Variants in COBLL1 observed in about 807,000 individuals in gnomAD.
The protein encoded by COBLL1 is cordon-bleu protein-like 1.
In COBLL1, 50 loss-of-function variants were observed where a neutral mutation model predicts 94.8. The observed-to-expected ratio is 0.53, with a 90% CI of 0.42 to 0.67. COBLL1 has a LOEUF of 0.67. Among genes scored for constraint, COBLL1 ranks in the 30% least tolerant of loss-of-function variants. COBLL1 has a pLI of 0.00. For missense variants in COBLL1, 1,362 were observed against 1,348.7 expected (o/e 1.01, Z -0.15); for synonymous variants, 448 against 473.8 (o/e 0.95, Z 0.71).
chr2:164,805,325 C>A (rs867101514), intron 2 of COBLL1, among the ~76,000 whole-genome samples: 2,951 of 30,824 alleles, frequency 0.096, 396 homozygotes, highest in African/African-American at 0.21. Flanking sequence ...CTCTCTCTCT[C>A]TCTCTCTCTC....
chr2:164,744,547 T>C (rs1686767031), intron 2 of COBLL1, among the ~76,000 whole-genome samples: 2 of 152,158 alleles, frequency 1.3e-5, no homozygotes, highest in Admixed American at 6.5e-5. Context: ...GCTAGCCAGA[T>C]GTGGTGGCAC....
Position 164,694,354 on chromosome 2 carries a change from A to T in COBLL1, c.3038T>A (p.Val1013Asp). The T allele has an allele frequency of 6.2e-7, 1 of 1,613,982 alleles. No homozygotes were observed. Among genetic ancestry groups the T allele is most frequent in the Non-Finnish European group, 8.5e-7 (1 of 1,179,924 alleles). ...TTCCTCTGTGTTGGCTGGAGGTTGG[A>T]CCAATGCACTGGCACTAGGTGACTC... Reference protein sequence around the residue: ...RTESPSASALVQPPANTEEGK... With the variant: ...RTESPSASALDQPPANTEEGK... Residue 1013 changes from valine (V) to aspartate (D), a missense_variant, in exon 12 of 14, where the codon GTC becomes GAC. Coordinates refer to ENST00000652658, the MANE Select transcript of COBLL1 (RefSeq NM_001365672.2).
intron 2 of COBLL1, among the ~76,000 whole-genome samples, chr2:164,806,488 T>C (rs1684162819): frequency 6.6e-6 from 1 of 152,192 alleles, no homozygotes; most frequent in African/African-American, 2.4e-5. Context: ...AGTAGAAATG[T>C]ACTCACTATG....
chr2:164,818,640 AT>A (rs1684991641), intron 2 of COBLL1, among the ~76,000 whole-genome samples: 1 of 141,652 alleles, frequency 7.1e-6, no homozygotes, highest in Non-Finnish European at 1.6e-5. Context: ...GTATATGTAC[AT>A]ATGTAAACAT....
chr2:164,743,565 A>G, intron 3 of COBLL1, 122 bp downstream of exon 3: 1 of 797,078 alleles, frequency 1.3e-6, no homozygotes, highest in Non-Finnish European at 2.1e-6. Context: ...TTTAACAGGT[A>G]ACTAAACTGA....
chr2:164,696,653 G>A (rs1239392372), intron 11 of COBLL1: 2 of 152,096 alleles, frequency 1.3e-5, no homozygotes, highest in East Asian at 3.9e-4. Flanking sequence ...CAGACCTCCT[G>A]AAAACAAAAC....
intron 2 of COBLL1, among the ~76,000 whole-genome samples, chr2:164,759,752 G>A (rs1687591706): frequency 6.6e-6 from 1 of 152,192 alleles, no homozygotes; most frequent in South Asian, 2.1e-4. Flanking sequence ...GGAAAAAGGT[G>A]TAAACTCGTT....
intron 2 of COBLL1, among the ~76,000 whole-genome samples, chr2:164,768,219 A>G (rs1688031734): frequency 6.6e-6 from 1 of 152,162 alleles, no homozygotes; most frequent in Non-Finnish European, 1.5e-5. Flanking sequence ...TTATTACACA[A>G]TTTGTAAGAA....
At chr2:164,824,830 CAA>C (rs1007138177) in intron 2 of COBLL1, among the ~76,000 whole-genome samples, 1 of 151,602 alleles carries the variant, frequency 6.6e-6, no homozygotes, top group African/African-American at 2.4e-5. Context: ...ATTAAAAATA[CAA>C]AAAAAAGTGT....
intron 2 of COBLL1, among the ~76,000 whole-genome samples, chr2:164,836,572 GCT>G (rs1683330736): frequency 1.3e-5 from 2 of 152,086 alleles, no homozygotes; most frequent in Non-Finnish European, 2.9e-5. Flanking sequence ...TGTTAATTAA[GCT>G]CTCTGATCCT....
At chr2:164,778,547 A>G (rs355892) in intron 2 of COBLL1, among the ~76,000 whole-genome samples, 37,314 of 152,060 alleles carry the variant, frequency 0.25, 5,560 homozygotes, top group African/African-American at 0.41. Context: ...AGGTTGCAGT[A>G]AGCTGAGATC....
rs71393632 is a variant in COBLL1 at position 164,683,005 on chromosome 2, T to TACACACACACACAC, written c.*2927_*2940dup. 3.6e-5 allele frequency: 5 copies of TACACACACACACAC among 138,820 alleles called. No individual in the cohort carries two copies. The highest frequency in any genetic ancestry group is 1.3e-4 in the African/African-American group (5 of 38,044). 8.6% of individuals were successfully genotyped at this position (138,820 alleles called of 1,614,324 possible). ...CTCCTTTCATGTTAAGAAACACACA[T>TACACACACACACAC]ACACACACACACACACACACACACA... On this transcript the variant is annotated 3_prime_UTR_variant, in exon 14 of 14. Coordinates refer to ENST00000652658, the MANE Select transcript of COBLL1 (RefSeq NM_001365672.2).
intron 9 of COBLL1, among the ~76,000 whole-genome samples, chr2:164,702,558 C>CAAAAAAAAAAAAAAA (rs56011410): frequency 3.7e-5 from 3 of 82,146 alleles, no homozygotes; most frequent in African/African-American, 4.4e-5. Flanking sequence ...TGAGACTCCT[C>CAAAAAAAAAAAAAAA]AAAAAAAAAA....
chr2:164,776,814 G>T (rs1306886715), intron 2 of COBLL1, among the ~76,000 whole-genome samples: 2 of 151,652 alleles, frequency 1.3e-5, no homozygotes, highest in African/African-American at 4.8e-5. Flanking sequence ...AGTGTCTTTG[G>T]AACAACATTA....
chr2:164,672,525 C>T (rs2105388142), intron 1 of COBLL1, among the ~76,000 whole-genome samples: 1 of 151,430 alleles, frequency 6.6e-6, no homozygotes, highest in South Asian at 2.1e-4. Flanking sequence ...GGTGAAACCC[C>T]GTCTCTACCA....
Position 164,729,984 on chromosome 2 carries a change from A to G in COBLL1, c.362T>C (p.Leu121Ser), listed in dbSNP as rs932524660. 1 of 1,613,932 alleles carries G rather than the reference A, an allele frequency of 6.2e-7. No homozygotes were observed. The highest frequency in any genetic ancestry group is 1.3e-5 in the African/African-American group (1 of 74,910). ...CTTTAAAATTACCTTCTCTACCTCC[A>G]ACATTCCTATTGGTGTGTTTGGCTT... Reference protein sequence around the residue: ...KFKPNTPIGMLEVEKVILKPK... With the variant: ...KFKPNTPIGMSEVEKVILKPK... The change falls in exon 4 of 14, where the codon TTG becomes TCG. Residue 121 changes from leucine to serine, a missense_variant. Physicochemically the swap from Leu to Ser is moderately radical, Grantham distance 145 (BLOSUM62 -2). Coordinates refer to ENST00000652658, the MANE Select transcript of COBLL1 (RefSeq NM_001365672.2).
chr2:164,694,529 G>T lies in COBLL1; in HGVS notation c.2863C>A (p.Pro955Thr), dbSNP rs1380621095. The change falls in exon 12 of 14, where the codon CCT becomes ACT. Residue 955 changes from proline to threonine, a missense_variant. Pro to Thr is a conservative substitution (Grantham distance 38). Coordinates refer to ENST00000652658, the MANE Select transcript of COBLL1 (RefSeq NM_001365672.2). ...ACCTGACTAGCAGGAATTGTCACAG[G>T]TTTTGGAGCTATGGGAGGAGGGGAG... is the stretch of plus-strand genomic sequence containing the variant. ...EASPPPIAPKPVTIPASQVST... is the reference protein window; with the variant it reads ...EASPPPIAPKTVTIPASQVST... 1.2e-6 allele frequency: 2 copies of T among 1,614,022 alleles called. No homozygotes were observed. The highest frequency in any genetic ancestry group is 1.7e-6 in the Non-Finnish European group (2 of 1,179,946).
At chr2:164,767,618 G>A (rs191166759) in intron 2 of COBLL1, among the ~76,000 whole-genome samples, 19 of 152,068 alleles carry the variant, frequency 1.2e-4, no homozygotes, top group African/African-American at 3.9e-4. Context: ...CCTTTTCTAC[G>A]TAGATCAAAC....
Position 164,664,711 on chromosome 2 carries a change from T to C in COBLL1, n.181+1136A>G, listed in dbSNP as rs533030776. On this transcript the variant is annotated intron_variant and non_coding_transcript_variant, in intron 2 of 2. Coordinates refer to the COBLL1 transcript ENST00000495084. The stretch of plus-strand genomic sequence containing the variant: ...TTTCTTCATAAGGCGTCTATTTATA[T>C]TGAATAAATAAAAAGAAATTAAAAG... 3.3e-5 allele frequency among the ~76,000 whole-genome samples: 5 copies of C among 152,280 alleles called. No individual in the cohort carries two copies. In the South Asian group the frequency reaches 8.3e-4, roughly 25 times the overall value.
Sources: allele counts gnomAD v4.1 joint callset (sites outside exome capture counted in the v4.1 genomes callset), GRCh38; gene constraint gnomAD v4.1.1; transcripts MANE v1.5; gene names NCBI Gene and HGNC (gene_info 2026-07-23, HGNC 2026-07-21).